Variants in PRKCA observed in about 807,000 individuals in gnomAD.
PRKCA encodes protein kinase C alpha.
A neutral mutation model predicts 87.0 loss-of-function variants in PRKCA; 27 were observed. The ratio of observed to expected loss-of-function variants is 0.31; its 90% CI spans 0.23 to 0.43. PRKCA has a LOEUF of 0.43. Ranked by LOEUF, PRKCA falls within the 20% of genes least tolerant of loss-of-function variation. PRKCA has a pLI of 1.00. For missense variants in PRKCA, 518 were observed against 852.3 expected (o/e 0.61, Z 4.88); for synonymous variants, 329 against 311.1 (o/e 1.06, Z -0.61).
At chr17:66,375,194 T>G (rs1909355215) in intron 2 of PRKCA, among the ~76,000 whole-genome samples, 2 of 152,166 alleles carry the variant, frequency 1.3e-5, no homozygotes, top group Admixed American at 1.3e-4. Context: ...TCGAGGGAGA[T>G]CTTGAGAATG....
intron 3 of PRKCA, among the ~76,000 whole-genome samples, chr17:66,563,510 C>A (rs1233387622): frequency 6.6e-6 from 1 of 152,158 alleles, no homozygotes; most frequent in Non-Finnish European, 1.5e-5. Context: ...TAGTTCATTT[C>A]TTTTTAGTGC....
At chr17:66,667,437 G>A (rs1006875022) in intron 5 of PRKCA, among the ~76,000 whole-genome samples, 10 of 152,158 alleles carry the variant, frequency 6.6e-5, no homozygotes, top group South Asian at 4.1e-4. Flanking sequence ...TTCACATGGC[G>A]GCAGCAAGGA....
intron 14 of PRKCA, chr17:66,775,749 A>G (rs955149721): frequency 6.1e-6 from 6 of 985,242 alleles, no homozygotes; most frequent in Non-Finnish European, 7.2e-6. Context: ...TTATTCATTC[A>G]CTCACCACGT....
At chr17:66,589,524 C>G (rs941058390) in intron 3 of PRKCA, among the ~76,000 whole-genome samples, 7 of 151,942 alleles carry the variant, frequency 4.6e-5, no homozygotes, top group African/African-American at 1.2e-4. Context: ...CATTTTTTTA[C>G]TATAAGGAGC....
At chr17:66,748,980 A>G (rs1273054736) in intron 13 of PRKCA, among the ~76,000 whole-genome samples, 1 of 151,826 alleles carries the variant, frequency 6.6e-6, no homozygotes, top group Non-Finnish European at 1.5e-5. Context: ...GCCAGTCTGC[A>G]TCTTCAGAGG....
intron 2 of PRKCA, among the ~76,000 whole-genome samples, chr17:66,410,529 T>C (rs1460714363): frequency 6.6e-6 from 1 of 152,220 alleles, no homozygotes; most frequent in Non-Finnish European, 1.5e-5. Context: ...AGAGCAGTTA[T>C]ATAAATTTCC....
chr17:66,803,252 G>A lies in PRKCA; in HGVS notation c.1855-621G>A, dbSNP rs1198547390. 6.6e-6 allele frequency among the ~76,000 whole-genome samples: 1 copy of A among 152,116 alleles called. No homozygotes were observed. Among genetic ancestry groups the A allele is most frequent in the African/African-American group, 2.4e-5 (1 of 41,428 alleles). Reference sequence around the variant, plus strand: ...AGTCAGTCACCCAGCCTGCCCGCTGGCCAGCTCTGTCTAGGTGTGCTAAAT... The same window carrying A: ...AGTCAGTCACCCAGCCTGCCCGCTGACCAGCTCTGTCTAGGTGTGCTAAAT... On this transcript the variant is annotated intron_variant, in intron 16 of 16. Transcript: ENST00000413366. The surrounding 1 kb of genome is among the most constrained non-coding windows in gnomAD (Gnocchi z 4.4).
intron 2 of PRKCA, among the ~76,000 whole-genome samples, chr17:66,487,770 T>C (rs1465596953): frequency 6.6e-6 from 1 of 152,214 alleles, no homozygotes; most frequent in African/African-American, 2.4e-5. Context: ...TAATTAGTGG[T>C]GATGAACATT....
chr17:66,439,340 C>G (rs921071725), intron 2 of PRKCA, among the ~76,000 whole-genome samples: 2 of 152,052 alleles, frequency 1.3e-5, no homozygotes, highest in East Asian at 3.9e-4. Flanking sequence ...ACCACCATAC[C>G]TGGCTAATTT....
chr17:66,756,475 A>G (rs1362083685), intron 13 of PRKCA, among the ~76,000 whole-genome samples: 1 of 152,094 alleles, frequency 6.6e-6, no homozygotes, highest in Non-Finnish European at 1.5e-5. Context: ...CCACATCACT[A>G]AAGGTTCATG....
At chr17:66,729,073 G>A (rs764362424) in intron 8 of PRKCA, among the ~76,000 whole-genome samples, 55 of 152,014 alleles carry the variant, frequency 3.6e-4, no homozygotes, top group Non-Finnish European at 1.9e-4. Flanking sequence ...TGGCATAGTC[G>A]GTATTCTCAT....
At chr17:66,715,000 C>T (rs1973438011) in intron 8 of PRKCA, among the ~76,000 whole-genome samples, 1 of 152,176 alleles carries the variant, frequency 6.6e-6, no homozygotes, top group African/African-American at 2.4e-5. Context: ...AAATATTGTG[C>T]TAAATTTAAT....
At chr17:66,593,221 G>T (rs1334172743) in intron 3 of PRKCA, among the ~76,000 whole-genome samples, 1 of 152,192 alleles carries the variant, frequency 6.6e-6, no homozygotes, top group African/African-American at 2.4e-5. Flanking sequence ...GAGAGAAGTC[G>T]GTGTTTCCTC....
At chr17:66,501,553 T>C (rs1916732723) in intron 3 of PRKCA, among the ~76,000 whole-genome samples, 1 of 152,222 alleles carries the variant, frequency 6.6e-6, no homozygotes, top group African/African-American at 2.4e-5. Context: ...GCTTGGATGC[T>C]GAAGTATGTG....
chr17:66,612,033 G>A (rs1970379765), intron 3 of PRKCA, among the ~76,000 whole-genome samples: 1 of 151,380 alleles, frequency 6.6e-6, no homozygotes, highest in Non-Finnish European at 1.5e-5. Flanking sequence ...ACCATTGATG[G>A]GAAAAACACT....
chr17:66,347,492 G>A (rs11651796), intron 2 of PRKCA, among the ~76,000 whole-genome samples: 17,764 of 152,146 alleles, frequency 0.12, 1,427 homozygotes, highest in East Asian at 0.28. Context: ...GAATGAAACC[G>A]TGTCTGTGTT....
In PRKCA at chr17:66,797,753, T is replaced by G. The variant is rs188780107; in HGVS notation, c.1855-6120T>G. ...GCCGACATCGCCTGGTCTCAGGGAG[T>G]TCAGCAGTCACACGCTGACTGGTTG... is the stretch of plus-strand genomic sequence containing the variant. On this transcript the variant is annotated intron_variant, in intron 16 of 16. Coordinates refer to ENST00000413366, the MANE Select transcript of PRKCA (RefSeq NM_002737.3). Among the ~76,000 whole-genome samples the G allele has an allele frequency of 2.0e-5, 3 of 152,200 alleles. No homozygotes were observed. In the East Asian group the frequency reaches 5.8e-4, roughly 29 times the overall value.
At chr17:66,503,893 A>G (rs571421639) in intron 3 of PRKCA, among the ~76,000 whole-genome samples, 1 of 152,314 alleles carries the variant, frequency 6.6e-6, no homozygotes, top group South Asian at 2.1e-4. Context: ...TGATTTTGTG[A>G]GCAAAGCCAG....
intron 2 of PRKCA, among the ~76,000 whole-genome samples, chr17:66,478,915 A>G (rs1915653185): frequency 6.6e-6 from 1 of 152,230 alleles, no homozygotes; most frequent in African/African-American, 2.4e-5. Flanking sequence ...GGTTTACTGT[A>G]AAAACTCTGG....
Sources: gnomAD v4.1 joint callset for allele counts (sites outside exome capture counted in the v4.1 genomes callset) on GRCh38, gnomAD v4.1.1 for gene constraint, Gnocchi (gnomAD v3.1) non-coding constraint, MANE v1.5 for transcripts, NCBI Gene and HGNC (gene_info 2026-07-23, HGNC 2026-07-21) for gene names.